The following GPC5 variants were observed in gnomAD, a reference collection of about 807,000 sequenced individuals.
GPC5 encodes the protein glypican 5, also known as glypican-5.
GPC5 carries 47 observed loss-of-function variants against 53.9 expected under a neutral mutation model. That is an observed-to-expected ratio of 0.87 (90% confidence interval 0.69 to 1.11). The LOEUF (loss-of-function observed/expected upper bound fraction) is 1.11, where lower values mean the gene tolerates loss of function less well. GPC5 is among the 50% of genes most tolerant of loss of function. The pLI, the probability that GPC5 is intolerant of heterozygous loss-of-function variation, is 0.00. For synonymous variants in GPC5, 286 were observed against 263.3 expected, an observed-to-expected ratio of 1.09 and a Z score of -0.84; for missense variants, 748 against 713.1, an observed-to-expected ratio of 1.05 and a Z score of -0.56.
intron 7 of GPC5, among the ~76,000 whole-genome samples, chr13:92,409,884 A>G (rs1045804563): frequency 1.3e-5 from 2 of 152,222 alleles, no homozygotes; most frequent in African/African-American, 2.4e-5. Context: ...CCACAGAGCA[A>G]CTGTCAAGAT....
chr13:91,449,234 A>G (rs903981545), intron 2 of GPC5, among the ~76,000 whole-genome samples: 4 of 152,170 alleles, frequency 2.6e-5, no homozygotes, highest in African/African-American at 9.7e-5. Context: ...TAATATGAAC[A>G]GACATAATTA....
At chr13:92,113,251 CTTACAG>C (rs1396009295) in intron 6 of GPC5, among the ~76,000 whole-genome samples, 31 of 152,056 alleles carry the variant, frequency 2.0e-4, no homozygotes, top group Admixed American at 1.8e-3. Flanking sequence ...TGAATACAAT[CTTACAG>C]TTACAAAGTC....
intron 6 of GPC5, among the ~76,000 whole-genome samples, chr13:92,012,200 A>C (rs934747374): frequency 2.0e-5 from 3 of 152,212 alleles, no homozygotes; most frequent in Admixed American, 2.0e-4. Context: ...CCATTTTTCA[A>C]CATCCTCATT....
intron 6 of GPC5, among the ~76,000 whole-genome samples, chr13:92,136,086 G>T (rs762210872): frequency 3.3e-5 from 5 of 151,976 alleles, no homozygotes; most frequent in Admixed American, 2.0e-4. Context: ...ATAGTTTGGG[G>T]ATTGGGGAAA....
chr13:92,357,077 A>T (rs2043528480), intron 7 of GPC5, among the ~76,000 whole-genome samples: 1 of 151,954 alleles, frequency 6.6e-6, no homozygotes, highest in Non-Finnish European at 1.5e-5. Flanking sequence ...ATGGTATTTC[A>T]TGATGTATAT....
At chr13:91,898,026 A>G (rs1249212599) in intron 5 of GPC5, among the ~76,000 whole-genome samples, 1 of 152,204 alleles carries the variant, frequency 6.6e-6, no homozygotes, top group African/African-American at 2.4e-5. Flanking sequence ...AGAGATATTA[A>G]CCATTCAGTC....
intron 7 of GPC5, among the ~76,000 whole-genome samples, chr13:92,662,329 C>CTGCTA (rs1270565817): frequency 1.3e-5 from 2 of 152,210 alleles, no homozygotes; most frequent in Non-Finnish European, 2.9e-5. Flanking sequence ...ACCTTGCATA[C>CTGCTA]TGCTACTTCC....
chr13:92,406,536 G>A (rs1875803827), intron 7 of GPC5, among the ~76,000 whole-genome samples: 1 of 152,092 alleles, frequency 6.6e-6, no homozygotes, highest in Non-Finnish European at 1.5e-5. Flanking sequence ...CTTAATATGA[G>A]CCAGGTGCTC....
At chr13:92,348,195 AG>A (rs1378679249) in intron 7 of GPC5, among the ~76,000 whole-genome samples, 1 of 151,290 alleles carries the variant, frequency 6.6e-6, no homozygotes, top group African/African-American at 2.4e-5. Flanking sequence ...AGGATAAAAA[AG>A]CCCCAACTAT....
At chr13:91,914,013 C>A (rs2039635191) in intron 6 of GPC5, among the ~76,000 whole-genome samples, 1 of 152,128 alleles carries the variant, frequency 6.6e-6, no homozygotes, top group African/African-American at 2.4e-5. Context: ...ATGCGAGAGC[C>A]TTTTTAATTT....
chr13:92,292,459 T>C (rs971337752), intron 7 of GPC5, among the ~76,000 whole-genome samples: 1 of 152,220 alleles, frequency 6.6e-6, no homozygotes, highest in Non-Finnish European at 1.5e-5. Flanking sequence ...TTACATTTGT[T>C]GGCCATTTGT....
At chr13:91,686,948 G>T (rs1011239014) in intron 2 of GPC5, among the ~76,000 whole-genome samples, 6 of 151,826 alleles carry the variant, frequency 4.0e-5, no homozygotes, top group Non-Finnish European at 5.9e-5. Context: ...AAAATCATCT[G>T]ATTTTCTATG....
chr13:92,586,120 A>T (rs997314415), intron 7 of GPC5, among the ~76,000 whole-genome samples: 1 of 152,154 alleles, frequency 6.6e-6, no homozygotes, highest in Admixed American at 6.5e-5. Flanking sequence ...GACTGTAGTG[A>T]CGGATTAGTC....
intron 5 of GPC5, among the ~76,000 whole-genome samples, chr13:91,801,175 C>T (rs1200798348): frequency 6.6e-6 from 1 of 151,986 alleles, no homozygotes; most frequent in Non-Finnish European, 1.5e-5. Context: ...TGTTTAATCT[C>T]ATCATCACTC....
At chr13:91,651,752 G>C (rs1184778737) in intron 2 of GPC5, among the ~76,000 whole-genome samples, 1 of 151,102 alleles carries the variant, frequency 6.6e-6, no homozygotes, top group Non-Finnish European at 1.5e-5. Flanking sequence ...AAAGATAAAT[G>C]TTCTATATTA....
At chr13:92,838,464 C>A in intron 7 of GPC5, among the ~76,000 whole-genome samples, 1 of 145,912 alleles carries the variant, frequency 6.9e-6, no homozygotes. Context: ...GCCTGGGCTA[C>A]AGAGTGAGAC....
At chr13:91,509,904 C>T (rs1040432537) in intron 2 of GPC5, among the ~76,000 whole-genome samples, 1 of 152,044 alleles carries the variant, frequency 6.6e-6, no homozygotes, top group Non-Finnish European at 1.5e-5. Context: ...TATTTCTGAT[C>T]CTACCTGGTA....
intron 2 of GPC5, among the ~76,000 whole-genome samples, chr13:91,658,049 GA>G (rs1318533773): frequency 2.6e-5 from 4 of 151,914 alleles, no homozygotes; most frequent in African/African-American, 9.7e-5. Context: ...TTGTCTTCAA[GA>G]ATTTCCTCTT....
At chr13:92,073,232 G>A (rs2041227189) in intron 6 of GPC5, among the ~76,000 whole-genome samples, 1 of 152,170 alleles carries the variant, frequency 6.6e-6, no homozygotes, top group Non-Finnish European at 1.5e-5. Context: ...TAAGTTAGAT[G>A]ATTGTTCAAA....
Sources: allele counts gnomAD v4.1 joint callset (sites outside exome capture counted in the v4.1 genomes callset), GRCh38; gene constraint gnomAD v4.1.1; transcripts MANE v1.5; gene names NCBI Gene and HGNC (gene_info 2026-07-23, HGNC 2026-07-21).